Variants in MRC1 observed in about 807,000 individuals in gnomAD.
The protein encoded by MRC1 is mannose receptor C-type 1, also known as macrophage mannose receptor 1.
A neutral mutation model predicts 102.9 loss-of-function variants in MRC1; 62 were observed. That is an observed-to-expected ratio of 0.60 (90% CI 0.49 to 0.74). The LOEUF is 0.74. Among genes scored for constraint, MRC1 ranks in the 30% least tolerant of loss-of-function variants. MRC1 has a pLI of 0.00. For synonymous variants in MRC1, 457 were observed against 298.4 expected (o/e 1.53, Z -5.48); for missense variants, 1,237 against 862.8 (o/e 1.43, Z -5.43).
chr10:17,856,456 G>C (rs1412576206), intron 9 of MRC1, 104 bp downstream of exon 9: 2 of 732,386 alleles, frequency 2.7e-6, no homozygotes, highest in East Asian at 5.4e-5. Flanking sequence ...AGTAGCCAAG[G>C]GTTTCTGCTG....
At chr10:17,902,197 T>C in intron 26 of MRC1, 75 bp downstream of exon 26, 1 of 693,700 alleles carries the variant, frequency 1.4e-6, no homozygotes, top group Non-Finnish European at 2.6e-6. Flanking sequence ...ACATGAAATA[T>C]ACAAAGAATG....
At chr10:17,813,075 T>C (rs1167866599) in intron 1 of MRC1, among the ~76,000 whole-genome samples, 8 of 152,294 alleles carry the variant, frequency 5.3e-5, no homozygotes, top group South Asian at 4.1e-4. Flanking sequence ...TAGGAAATGA[T>C]GCATTTTGAC....
intron 9 of MRC1, among the ~76,000 whole-genome samples, chr10:17,860,774 G>A (rs1475778874): frequency 5.3e-5 from 8 of 152,118 alleles, no homozygotes; most frequent in African/African-American, 7.2e-5. Flanking sequence ...TATCTTAGCC[G>A]TTCTGTTCAG....
intron 22 of MRC1, among the ~76,000 whole-genome samples, chr10:17,892,030 T>G (rs1589193550): frequency 6.6e-6 from 1 of 152,112 alleles, no homozygotes; most frequent in Non-Finnish European, 1.5e-5. Context: ...GAGGCTGGAG[T>G]TGAGTATTTC....
intron 23 of MRC1, among the ~76,000 whole-genome samples, chr10:17,894,607 C>T (rs1833729151): frequency 6.6e-6 from 1 of 151,804 alleles, no homozygotes; most frequent in Non-Finnish European, 1.5e-5. Context: ...CCATGTTGCC[C>T]AGGCTGGTCT....
At chr10:17,901,758 C>T (rs1589196523) in intron 25 of MRC1, among the ~76,000 whole-genome samples, 1 of 151,996 alleles carries the variant, frequency 6.6e-6, no homozygotes, top group East Asian at 1.9e-4. Context: ...TAACTGACTG[C>T]CGCTATACCA....
At chr10:17,901,878 G>T in intron 25 of MRC1, 95 bp from the exon 26 acceptor site, 1 of 771,686 alleles carries the variant, frequency 1.3e-6, no homozygotes, top group South Asian at 1.4e-5. Context: ...TTAAAATAAT[G>T]ATCAATGATC....
At chr10:17,897,764 CAT>C (rs1296659085) in intron 23 of MRC1, among the ~76,000 whole-genome samples, 2 of 152,188 alleles carry the variant, frequency 1.3e-5, no homozygotes, top group Non-Finnish European at 2.9e-5. Context: ...GAATTTGTCA[CAT>C]GTTTTGTTTG....
chr10:17,846,163 C>A (rs1838822409), intron 6 of MRC1, among the ~76,000 whole-genome samples: 1 of 152,074 alleles, frequency 6.6e-6, no homozygotes, highest in South Asian at 2.1e-4. Flanking sequence ...CCACCTCAGC[C>A]TCCCAAAGTG....
chr10:17,895,659 A>G lies in MRC1; in HGVS notation c.3250+1347A>G, dbSNP rs1025392667. 2.6e-5 allele frequency among the ~76,000 whole-genome samples: 4 copies of G among 152,286 alleles called. 1 individual carries two copies. Among genetic ancestry groups the G allele is most frequent in the East Asian group, 1.9e-4 (1 of 5,172 alleles). ...CACAGTATGCAGATATTTGCTGTCAATTAAGATGGTGTTTATATACATTTT... is the reference window on the plus strand; with the variant it reads ...CACAGTATGCAGATATTTGCTGTCAGTTAAGATGGTGTTTATATACATTTT... On this transcript the variant is annotated intron_variant, in intron 23 of 29. Coordinates refer to ENST00000569591, the MANE Select transcript of MRC1 (RefSeq NM_002438.4).
intron 23 of MRC1, 82 bp downstream of exon 23, chr10:17,894,394 C>CTTTTT (rs34625338): frequency 6.7e-3 from 2,705 of 405,408 alleles, no homozygotes; most frequent in African/African-American, 0.017. Flanking sequence ...TTCTTTCTTT[C>CTTTTT]TTTTTTTTTT....
chr10:17,901,027 T>C, intron 25 of MRC1, 74 bp downstream of exon 25: 1 of 734,536 alleles, frequency 1.4e-6, no homozygotes, highest in Non-Finnish European at 2.5e-6. Context: ...CTGTTGATAT[T>C]ATTAAACAGT....
At chr10:17,859,474 C>A (rs1056618895) in intron 9 of MRC1, among the ~76,000 whole-genome samples, 4 of 152,032 alleles carry the variant, frequency 2.6e-5, no homozygotes, top group Non-Finnish European at 5.9e-5. Context: ...CCTGCCGTCA[C>A]GCCCAGCTAA....
intron 18 of MRC1, 80 bp downstream of exon 18, chr10:17,878,047 T>C (rs929298901): frequency 7.4e-6 from 6 of 812,250 alleles, no homozygotes; most frequent in Middle Eastern, 2.3e-4. Flanking sequence ...AGATTTTTCT[T>C]TGTGGAATGC....
chr10:17,850,221 T>C (rs1342722508), intron 7 of MRC1, among the ~76,000 whole-genome samples: 2 of 149,970 alleles, frequency 1.3e-5, no homozygotes, highest in Admixed American at 1.3e-4. Flanking sequence ...ATTTAGCTGA[T>C]GCTGGGAGGG....
chr10:17,830,977 C>A (rs1237004817), intron 3 of MRC1, among the ~76,000 whole-genome samples: 2 of 150,880 alleles, frequency 1.3e-5, no homozygotes, highest in Non-Finnish European at 2.9e-5. Flanking sequence ...CAACCTCTGC[C>A]TCCCGGGTTC....
At chr10:17,885,570 T>A in intron 22 of MRC1, 135 bp downstream of exon 22, 1 of 679,274 alleles carries the variant, frequency 1.5e-6, no homozygotes, top group South Asian at 1.8e-5. Flanking sequence ...TTTTACCTAT[T>A]TCAGACTGAG....
chr10:17,881,226 T>C (rs1833511218), intron 21 of MRC1, 45 bp downstream of exon 21: 1 of 767,696 alleles, frequency 1.3e-6, no homozygotes, highest in Admixed American at 1.8e-5. Flanking sequence ...AAATATGGAA[T>C]TCTGACTGCA....
At chr10:17,828,107 C>T (rs544054181) in intron 3 of MRC1, among the ~76,000 whole-genome samples, 3 of 152,282 alleles carry the variant, frequency 2.0e-5, no homozygotes, top group South Asian at 4.2e-4. Context: ...GACGGAGTCT[C>T]GCTGTGTCTC....
Sources: allele counts gnomAD v4.1 joint callset (sites outside exome capture counted in the v4.1 genomes callset), GRCh38; gene constraint gnomAD v4.1.1; transcripts MANE v1.5; gene names NCBI Gene and HGNC (gene_info 2026-07-23, HGNC 2026-07-21).